Variants in PARD3 observed in about 807,000 individuals in gnomAD.
PARD3 encodes partitioning defective 3 homolog.
In PARD3, 75 loss-of-function variants were observed where a neutral mutation model predicts 155.4. That is an observed-to-expected ratio of 0.48 (90% CI 0.40 to 0.58). PARD3 has a LOEUF of 0.58. PARD3 is among the 20% of genes least tolerant of loss of function. The pLI, the probability that PARD3 is intolerant of heterozygous loss-of-function variation, is 0.00. For synonymous variants in PARD3, 576 were observed against 610.5 expected (o/e 0.94, Z 0.83); for missense variants, 1,642 against 1,721.7 (o/e 0.95, Z 0.82).
chr10:34,684,790 CA>C (rs1564504474), intron 2 of PARD3, among the ~76,000 whole-genome samples: 1 of 96,094 alleles, frequency 1.0e-5, no homozygotes, highest in African/African-American at 6.1e-5. Flanking sequence ...CACACACACA[CA>C]CACACACACA....
intron 24 of PARD3, among the ~76,000 whole-genome samples, chr10:34,118,118 C>T (rs1946783493): frequency 6.6e-6 from 1 of 152,102 alleles, no homozygotes; most frequent in Non-Finnish European, 1.5e-5. Context: ...CTCTTACCTA[C>T]AGCAGGCTAA....
chr10:34,146,949 C>T (rs970236021), intron 22 of PARD3, among the ~76,000 whole-genome samples: 7 of 152,184 alleles, frequency 4.6e-5, no homozygotes, highest in Non-Finnish European at 1.0e-4. Context: ...CTGAAAATCA[C>T]AGTCTTAGAA....
intron 22 of PARD3, among the ~76,000 whole-genome samples, chr10:34,257,253 T>C (rs1954701952): frequency 6.6e-6 from 1 of 152,224 alleles, no homozygotes; most frequent in African/African-American, 2.4e-5. Context: ...GGACTCCACA[T>C]AAATCCTCAT....
At chr10:34,303,836 G>A (rs1957272393) in intron 20 of PARD3, among the ~76,000 whole-genome samples, 1 of 152,156 alleles carries the variant, frequency 6.6e-6, no homozygotes, top group Non-Finnish European at 1.5e-5. Flanking sequence ...GGAAGACAAG[G>A]AGACAGAGGA....
At chr10:34,456,085 T>A (rs932424044) in intron 4 of PARD3, among the ~76,000 whole-genome samples, 1 of 152,150 alleles carries the variant, frequency 6.6e-6, no homozygotes, top group Non-Finnish European at 1.5e-5. Flanking sequence ...ATAACAGAAC[T>A]ATGGCAAGAC....
At chr10:34,781,798 A>T (rs1840268214) in intron 1 of PARD3, among the ~76,000 whole-genome samples, 1 of 152,222 alleles carries the variant, frequency 6.6e-6, no homozygotes, top group Non-Finnish European at 1.5e-5. Context: ...TCTGTGGGGT[A>T]AGACAGCCAA....
At chr10:34,653,032 CA>C (rs1267138851) in intron 2 of PARD3, among the ~76,000 whole-genome samples, 1 of 152,020 alleles carries the variant, frequency 6.6e-6, no homozygotes, top group Non-Finnish European at 1.5e-5. Flanking sequence ...AAAACAACAA[CA>C]ACAACAAAAA....
intron 1 of PARD3, among the ~76,000 whole-genome samples, chr10:34,735,340 T>A (rs2094894690): frequency 6.6e-6 from 1 of 152,200 alleles, no homozygotes. Flanking sequence ...AAAATATTCT[T>A]TTCATTAAAG....
At chr10:34,575,086 C>T (rs116640692) in intron 2 of PARD3, among the ~76,000 whole-genome samples, 1 of 152,236 alleles carries the variant, frequency 6.6e-6, no homozygotes, top group East Asian at 1.9e-4. Context: ...CTCAAGCAAT[C>T]CTCCTGCCTC....
intron 22 of PARD3, among the ~76,000 whole-genome samples, chr10:34,215,544 T>C (rs1456019051): frequency 6.6e-6 from 1 of 152,214 alleles, no homozygotes; most frequent in Non-Finnish European, 1.5e-5. Flanking sequence ...ATTTTAAGCA[T>C]GAAACTTAAG....
At chr10:34,453,561 T>G (rs909615800) in intron 4 of PARD3, among the ~76,000 whole-genome samples, 6 of 152,184 alleles carry the variant, frequency 3.9e-5, no homozygotes, top group Non-Finnish European at 7.4e-5. Context: ...ATAAGTTGTT[T>G]TAAAAATTGT....
At chr10:34,330,500 A>G (rs1835499161) in intron 19 of PARD3, among the ~76,000 whole-genome samples, 1 of 152,064 alleles carries the variant, frequency 6.6e-6, no homozygotes, top group East Asian at 1.9e-4. Flanking sequence ...GAAAGCAAAA[A>G]AAGAAAAAAA....
intron 5 of PARD3, among the ~76,000 whole-genome samples, chr10:34,440,710 G>A (rs2076418922): frequency 1.3e-5 from 2 of 152,002 alleles, no homozygotes; most frequent in Admixed American, 1.3e-4. Flanking sequence ...AATAAAGACA[G>A]TTGTAAAATT....
intron 1 of PARD3, among the ~76,000 whole-genome samples, chr10:34,746,699 T>G: frequency 6.6e-6 from 1 of 152,120 alleles, no homozygotes; most frequent in Admixed American, 6.6e-5. Context: ...AAAGCAGCTA[T>G]GTACATACCC....
At chr10:34,118,635 C>T (rs1946816644) in intron 24 of PARD3, among the ~76,000 whole-genome samples, 1 of 152,284 alleles carries the variant, frequency 6.6e-6, no homozygotes, top group South Asian at 2.1e-4. Context: ...CCTGAGCCAC[C>T]GTGCCTGGCC....
chr10:34,465,972 A>C (rs2077983603), intron 4 of PARD3, among the ~76,000 whole-genome samples: 1 of 152,164 alleles, frequency 6.6e-6, no homozygotes, highest in African/African-American at 2.4e-5. Context: ...AAGATGATTT[A>C]AGTATTCACA....
At chr10:34,407,845 GA>G (rs57637567) in intron 5 of PARD3, among the ~76,000 whole-genome samples, 87,331 of 148,862 alleles carry the variant, frequency 0.59, 27,495 homozygotes, top group African/African-American at 0.85. Context: ...AAAAAAAAAA[GA>G]AAAAAAAAAT....
At chr10:34,512,411 A>C (rs2081455743) in intron 3 of PARD3, among the ~76,000 whole-genome samples, 1 of 152,184 alleles carries the variant, frequency 6.6e-6, no homozygotes, top group South Asian at 2.1e-4. Context: ...TTTGGCCAGC[A>C]GGAGCATCGT....
At chr10:34,574,352 A>AT (rs1329161283) in intron 2 of PARD3, among the ~76,000 whole-genome samples, 1 of 152,172 alleles carries the variant, frequency 6.6e-6, no homozygotes, top group African/African-American at 2.4e-5. Flanking sequence ...GTCTCTCAGC[A>AT]TTCTGATCTG....
Sources: gnomAD v4.1 joint callset for allele counts (sites outside exome capture counted in the v4.1 genomes callset) on GRCh38, gnomAD v4.1.1 for gene constraint, MANE v1.5 for transcripts, NCBI Gene and HGNC (gene_info 2026-07-23, HGNC 2026-07-21) for gene names.